Variants in AVEN observed in about 807,000 individuals in gnomAD.
AVEN encodes the protein cell death regulator Aven.
Under a neutral mutation model 38.1 loss-of-function variants are expected in AVEN, and 41 were observed. The observed-to-expected ratio is 1.08, with a 90% CI of 0.84 to 1.40. AVEN has a LOEUF of 1.40. AVEN is among the 40% of genes most tolerant of loss of function. The pLI is 0.00. For synonymous variants in AVEN, 206 were observed against 171.8 expected (o/e 1.20, Z -1.56); for missense variants, 605 against 438.8 (o/e 1.38, Z -3.38).
At chr15:34,065,894 G>C (rs1900497546) in intron 4 of AVEN, 2 of 152,000 alleles carry the variant, frequency 1.3e-5, no homozygotes, top group Non-Finnish European at 2.9e-5. Flanking sequence ...CTTAGTGTAG[G>C]CCGGGTCCTT....
chr15:33,861,120 A>G, intron 11 of AVEN: 2 of 1,597,884 alleles, frequency 1.3e-6, no homozygotes, highest in Non-Finnish European at 1.7e-6. Context: ...CTACTTTGAC[A>G]CAACCCCTCA....
At chr15:33,938,282 C>T (rs1022037472) in intron 2 of AVEN, among the ~76,000 whole-genome samples, 3 of 151,762 alleles carry the variant, frequency 2.0e-5, no homozygotes, top group South Asian at 2.1e-4. Flanking sequence ...GGTGAAACCC[C>T]GTCTCTACTA....
intron 1 of AVEN, among the ~76,000 whole-genome samples, chr15:34,011,873 A>G (rs573840366): frequency 5.3e-5 from 8 of 152,324 alleles, no homozygotes; most frequent in South Asian, 2.1e-4. Context: ...TGCGAGTTCT[A>G]TGCTTCAATG....
chr15:33,880,050 A>C (rs557156760), intron 2 of AVEN, among the ~76,000 whole-genome samples: 1 of 152,206 alleles, frequency 6.6e-6, no homozygotes, highest in African/African-American at 2.4e-5. Flanking sequence ...GATTTTGGTA[A>C]GTTATGTATT....
At chr15:33,905,826 GAAAAAAAA>G (rs36006399) in intron 2 of AVEN, among the ~76,000 whole-genome samples, 1 of 143,228 alleles carries the variant, frequency 7.0e-6, no homozygotes, top group African/African-American at 2.6e-5. Flanking sequence ...TTTCGGGAAA[GAAAAAAAA>G]AAAAAAAAAG....
At chr15:33,905,912 T>G (rs1892683183) in intron 2 of AVEN, among the ~76,000 whole-genome samples, 2 of 152,190 alleles carry the variant, frequency 1.3e-5, no homozygotes, top group African/African-American at 4.8e-5. Flanking sequence ...ATCTTATGTT[T>G]AGCATACCTG....
chr15:33,966,456 C>T (rs1272376383), intron 2 of AVEN, among the ~76,000 whole-genome samples: 1 of 152,124 alleles, frequency 6.6e-6, no homozygotes, highest in East Asian at 1.9e-4. Context: ...CATGCCATAA[C>T]ATGACGTATG....
At chr15:33,965,643 T>C (rs1217917479) in intron 2 of AVEN, among the ~76,000 whole-genome samples, 1 of 152,080 alleles carries the variant, frequency 6.6e-6, no homozygotes, top group Admixed American at 6.5e-5. Context: ...AATGGGAGAG[T>C]TCAGTTTAAA....
Position 33,886,983 on chromosome 15 carries a change from G to A in AVEN, c.446-10988C>T, listed in dbSNP as rs532328231. ...AATAGTTGAAGAAAAGGGGGCAGAA[G>A]GCATGCAGCATCTATCAATTAAGGT... On this transcript the variant is annotated intron_variant, in intron 2 of 5. Coordinates refer to ENST00000306730, the MANE Select transcript of AVEN (RefSeq NM_020371.3). 2.6e-5 allele frequency among the ~76,000 whole-genome samples: 4 copies of A among 152,284 alleles called. No homozygotes were observed. In the South Asian group the frequency reaches 8.3e-4, roughly 32 times the overall value.
intron 2 of AVEN, among the ~76,000 whole-genome samples, chr15:33,893,914 G>A (rs1057032727): frequency 6.7e-6 from 1 of 150,022 alleles, no homozygotes; most frequent in Non-Finnish European, 1.5e-5. Flanking sequence ...TTTTCAAACA[G>A]AAAAGAATGA....
chr15:33,865,993 A>AAATGGAGTAATGCTT (rs1401659184), downstream of AVEN: 1 of 152,880 alleles, frequency 6.5e-6, no homozygotes, highest in African/African-American at 2.4e-5. Context: ...CCTTATGCCA[A>AAATGGAGTAATGCTT]AATGGAGTAA....
chr15:33,883,340 CTTTAA>C (rs10608133), intron 2 of AVEN, among the ~76,000 whole-genome samples: 16,102 of 152,118 alleles, frequency 0.11, 1,107 homozygotes, highest in South Asian at 0.33. Context: ...TTAATATAGT[CTTTAA>C]TTTGAGTTTT....
intron 2 of AVEN, among the ~76,000 whole-genome samples, chr15:33,982,950 C>G (rs1303919353): frequency 6.6e-6 from 1 of 151,880 alleles, no homozygotes; most frequent in African/African-American, 2.4e-5. Flanking sequence ...CTCCTTCCTA[C>G]CCATCAACTC....
chr15:33,861,292 G>C (rs1231822498), downstream of AVEN: 1 of 677,278 alleles, frequency 1.5e-6, no homozygotes, highest in East Asian at 3.0e-5. Context: ...ACTTCCAGGA[G>C]TCCCCATGAG....
chr15:34,000,612 G>A (rs914646883), intron 2 of AVEN, among the ~76,000 whole-genome samples: 4 of 152,202 alleles, frequency 2.6e-5, no homozygotes, highest in Admixed American at 2.0e-4. Flanking sequence ...GTTTCAAGGA[G>A]TATGGTCAGC....
intron 1 of AVEN, among the ~76,000 whole-genome samples, chr15:34,017,920 T>C (rs1898015604): frequency 6.6e-6 from 1 of 152,224 alleles, no homozygotes; most frequent in South Asian, 2.1e-4. Flanking sequence ...AATAATGTCA[T>C]AGTGCACAGC....
rs1029651089 is a variant in AVEN, at chr15:33,868,513, C to G, written c.613-658G>C. Among the ~76,000 whole-genome samples the G allele has an allele frequency of 2.3e-5, 3 of 131,564 alleles. No homozygotes were observed. The East Asian group carries it at 7.1e-4, about 31-fold the overall frequency. 86.3% of individuals were successfully genotyped at this position (131,564 alleles called of 152,430 possible). On this transcript the variant is annotated intron_variant, in intron 4 of 5. Transcript: ENST00000306730. ...TAAGCTGAGATTGTACCACTGCACTCGAGCCTGGGCAACAGAATGAGACTC... is the reference window on the plus strand; with the variant it reads ...TAAGCTGAGATTGTACCACTGCACTGGAGCCTGGGCAACAGAATGAGACTC...
intron 2 of AVEN, among the ~76,000 whole-genome samples, chr15:33,892,854 G>A (rs8037310): frequency 0.96 from 146,648 of 152,150 alleles, 70,727 homozygotes; most frequent in Non-Finnish European, 0.98. Flanking sequence ...CCTACCCGTG[G>A]GCATGGAACG....
At chr15:33,957,661 G>A (rs367625010) in intron 2 of AVEN, among the ~76,000 whole-genome samples, 6 of 151,816 alleles carry the variant, frequency 4.0e-5, no homozygotes, top group South Asian at 2.1e-4. Flanking sequence ...GCTAGTCAGC[G>A]GGTAAAAAGG....
Sources: allele counts gnomAD v4.1 joint callset (sites outside exome capture counted in the v4.1 genomes callset), GRCh38; gene constraint gnomAD v4.1.1; transcripts MANE v1.5; gene names NCBI Gene and HGNC (gene_info 2026-07-23, HGNC 2026-07-21).